The following NMT1 variants were observed in gnomAD, a reference collection of about 807,000 sequenced individuals.
The protein encoded by NMT1 is glycylpeptide N-tetradecanoyltransferase 1.
A neutral mutation model predicts 63.4 loss-of-function variants in NMT1; 12 were observed. The ratio of observed to expected loss-of-function variants is 0.19; its 90% CI spans 0.12 to 0.31. The LOEUF (loss-of-function observed/expected upper bound fraction) is 0.31, where lower values mean the gene tolerates loss of function less well. Among genes scored for constraint, NMT1 ranks in the 10% least tolerant of loss-of-function variants. The probability of loss-of-function intolerance (pLI) is 1.00; values close to 1 mark genes in which losing one functional copy is unlikely to be tolerated. For synonymous variants in NMT1, 228 were observed against 234.3 expected, an observed-to-expected ratio of 0.97 and a Z score of 0.25; for missense variants, 432 against 634.6, an observed-to-expected ratio of 0.68 and a Z score of 3.43.
chr17:45,076,267 A>G (rs117881906), intron 1 of NMT1, among the ~76,000 whole-genome samples: 2,572 of 152,068 alleles, frequency 0.017, 56 homozygotes, highest in South Asian at 0.07. Context: ...TTGGTTCCCT[A>G]TGAATAATTA....
Position 45,072,143 on chromosome 17 carries a change from G to A in NMT1, c.132-9501G>A, listed in dbSNP as rs993954670. ...GGCGTACGCCTGTAGTCCCAGCTAC[G>A]CAGGAGGCTGAGGTGAGATGATCGC... On this transcript the variant is annotated intron_variant, in intron 1 of 11. Transcript: ENST00000258960. Among the ~76,000 whole-genome samples, 6 of 151,808 alleles carry A rather than the reference G, an allele frequency of 4.0e-5. No homozygotes were observed. The South Asian group carries it at 6.3e-4, about 16-fold the overall frequency.
Position 45,103,672 on chromosome 17 carries a change from C to G in NMT1, c.1165-37C>G. ...GTTCCCGGGCCGCAGTGCCACTGTG[C>G]ATGCTTGACATTGCCTCTTTATTGC... On this transcript the variant is annotated intron_variant, in intron 9 of 11. Transcript: ENST00000258960. This position sits in a 1 kb window ranked among gnomAD's most constrained non-coding sequence, Gnocchi z 4.8. 1 of 1,587,430 alleles carries G rather than the reference C, an allele frequency of 6.3e-7. No homozygotes were observed.
At chr17:45,069,377 C>T (rs377618824) in intron 1 of NMT1, among the ~76,000 whole-genome samples, 18 of 152,006 alleles carry the variant, frequency 1.2e-4, no homozygotes, top group African/African-American at 4.1e-4. Flanking sequence ...CCACAACCTC[C>T]ACCTCCCAGG....
chr17:45,072,523 C>T (rs1371219878), intron 1 of NMT1, among the ~76,000 whole-genome samples: 1 of 151,528 alleles, frequency 6.6e-6, no homozygotes, highest in Non-Finnish European at 1.5e-5. Context: ...CCTTGGTCTC[C>T]CAAAGTGCTG....
At chr17:45,080,916 GCCAC>G (rs1233556772) in intron 1 of NMT1, among the ~76,000 whole-genome samples, 4 of 152,116 alleles carry the variant, frequency 2.6e-5, no homozygotes, top group Admixed American at 6.6e-5. Flanking sequence ...ACAGGCATGT[GCCAC>G]CAGGCCCCAG....
Position 45,103,563 on chromosome 17 carries a change from T to G in NMT1, c.1165-146T>G, listed in dbSNP as rs1371865108. On this transcript the variant is annotated intron_variant, in intron 9 of 11. Coordinates refer to ENST00000258960, the MANE Select transcript of NMT1 (RefSeq NM_021079.5). The surrounding 1 kb of genome is among the most constrained non-coding windows in gnomAD (Gnocchi z 4.8). ...AAGTGCCCTGAGCCAATGTCCCTCC[T>G]CCTCCCCACATGTCCTGTTGCAGTT... 4 of 829,416 alleles carry G rather than the reference T, an allele frequency of 4.8e-6. No homozygotes were observed. The highest frequency in any genetic ancestry group is 7.6e-6 in the Non-Finnish European group (4 of 523,288). The allele number at this position is 829,416 out of a possible 1,614,324, so 51.4% of individuals were successfully genotyped here.
chr17:45,073,931 G>C (rs926518743), intron 1 of NMT1, among the ~76,000 whole-genome samples: 1 of 152,110 alleles, frequency 6.6e-6, no homozygotes, highest in African/African-American at 2.4e-5. Flanking sequence ...TTCTTCCCAG[G>C]CATGCAGTTT....
intron 4 of NMT1, among the ~76,000 whole-genome samples, chr17:45,095,860 C>G (rs551200620): frequency 1.3e-5 from 2 of 152,290 alleles, no homozygotes; most frequent in South Asian, 4.1e-4. Context: ...GTGGTAATTC[C>G]TTGACTAGCT....
rs1291094198 is a variant in NMT1, at chr17:45,086,489, C to G, written c.241-19C>G. 5 of 1,588,944 alleles carry G rather than the reference C, an allele frequency of 3.1e-6. No individual in the cohort carries two copies. The African/African-American group carries it at 4.1e-5, about 13-fold the overall frequency. ...CTAACATAATGGGCCTTTTTTCTCC[C>G]CAACTTTGTCTTGTCCAGATGAACT... On this transcript the variant is annotated intron_variant, in intron 2 of 11. Coordinates refer to ENST00000258960, the MANE Select transcript of NMT1 (RefSeq NM_021079.5).
rs939090155 is a variant in NMT1 at position 45,105,043 on chromosome 17, C to T, written c.1470+47C>T. On this transcript the variant is annotated intron_variant, in intron 11 of 11. Transcript: ENST00000258960. The surrounding 1 kb of genome is among the most constrained non-coding windows in gnomAD (Gnocchi z 4.2). ...TCCAGGCTGCCCGGCCCAGGGTGTC[C>T]ATGTCTCCAGCAGAAACCGGGCCAT... 6.2e-7 allele frequency: 1 copy of T among 1,610,800 alleles called. No individual in the cohort carries two copies. Among genetic ancestry groups the T allele is most frequent in the Non-Finnish European group, 8.5e-7 (1 of 1,178,298 alleles).
At chr17:45,084,654 A>G (rs1322141687) in intron 2 of NMT1, among the ~76,000 whole-genome samples, 3 of 149,064 alleles carry the variant, frequency 2.0e-5, no homozygotes, top group South Asian at 4.3e-4. Context: ...TTTAATAGGG[A>G]CAGGGGTCTC....
intron 6 of NMT1, among the ~76,000 whole-genome samples, chr17:45,097,501 CTTGT>C (rs2054133313): frequency 6.6e-6 from 1 of 151,890 alleles, no homozygotes; most frequent in Admixed American, 6.6e-5. Flanking sequence ...TCAGCAGAGG[CTTGT>C]TTTTGTTTTT....
rs751962233 is a variant in NMT1, at chr17:45,097,257, A to T, written c.713+13A>T. On this transcript the variant is annotated intron_variant, in intron 6 of 11. Coordinates refer to ENST00000258960, the MANE Select transcript of NMT1 (RefSeq NM_021079.5). ...ATATCTATGACACGTAAGCACCTGC[A>T]CCTACCCCCACCCCCCACAACACCG... is the stretch of plus-strand genomic sequence containing the variant. 13 of 1,561,472 alleles carry T rather than the reference A, an allele frequency of 8.3e-6. No homozygotes were observed. Among genetic ancestry groups the T allele is most frequent in the Non-Finnish European group, 1.1e-5 (12 of 1,132,308 alleles).
intron 1 of NMT1, among the ~76,000 whole-genome samples, chr17:45,069,365 C>T (rs981263604): frequency 3.3e-5 from 5 of 151,910 alleles, no homozygotes; most frequent in African/African-American, 1.2e-4. Context: ...GATCTTGGCT[C>T]ACCACAACCT....
At chr17:45,096,359 T>C in intron 5 of NMT1, 74 bp downstream of exon 5, 1 of 1,238,464 alleles carries the variant, frequency 8.1e-7, no homozygotes, top group South Asian at 1.2e-5. Context: ...CACCAGAGTT[T>C]TCATCCCTGC....
chr17:45,096,132 G>A lies in NMT1; in HGVS notation c.505-62G>A, dbSNP rs569488020. 55 of 1,213,948 alleles carry A rather than the reference G, an allele frequency of 4.5e-5. No individual in the cohort carries two copies. The African/African-American group carries it at 6.9e-4, about 15-fold the overall frequency. The allele number at this position is 1,213,948 out of a possible 1,614,324, so 75.2% of individuals were successfully genotyped here. On this transcript the variant is annotated intron_variant, in intron 4 of 11. Coordinates refer to ENST00000258960, the MANE Select transcript of NMT1 (RefSeq NM_021079.5). ...CTTCTGAAAAGCCTAGAGCCCCAGG[G>A]TATTGGAGTTGGTCTACTACCTGGC...
intron 3 of NMT1, among the ~76,000 whole-genome samples, chr17:45,091,187 G>C (rs1042988837): frequency 2.7e-4 from 33 of 120,982 alleles, no homozygotes; most frequent in South Asian, 1.5e-3. Flanking sequence ...GGTCTTTCCT[G>C]ACACACACAC....
Position 45,108,533 on chromosome 17 carries a change from G to A in NMT1, c.*2894G>A, listed in dbSNP as rs943825011. 3.9e-5 allele frequency: 6 copies of A among 152,688 alleles called. No homozygotes were observed. Among genetic ancestry groups the A allele is most frequent in the African/African-American group, 1.2e-4 (5 of 41,452 alleles). 9.5% of individuals were successfully genotyped at this position (152,688 alleles called of 1,614,324 possible). On this transcript the variant is annotated 3_prime_UTR_variant, in exon 12 of 12. Coordinates refer to ENST00000258960, the MANE Select transcript of NMT1 (RefSeq NM_021079.5). ...TGTGGTCCTGAATTCTTTCCCCAAAGACGACCAGCATTTAACCAACCTAAG... is the reference window on the plus strand; with the variant it reads ...TGTGGTCCTGAATTCTTTCCCCAAAAACGACCAGCATTTAACCAACCTAAG...
chr17:45,089,665 A>T (rs935053868), intron 3 of NMT1, among the ~76,000 whole-genome samples: 1 of 138,468 alleles, frequency 7.2e-6, no homozygotes, highest in Non-Finnish European at 1.6e-5. Context: ...TTGAGACAGG[A>T]TCTCGCTCTG....
Sources: gnomAD v4.1 joint callset for allele counts (sites outside exome capture counted in the v4.1 genomes callset) on GRCh38, gnomAD v4.1.1 for gene constraint, Gnocchi (gnomAD v3.1) non-coding constraint, MANE v1.5 for transcripts, NCBI Gene and HGNC (gene_info 2026-07-23, HGNC 2026-07-21) for gene names.